The following CHAF1A variants were observed in gnomAD, a reference collection of about 807,000 sequenced individuals.
The protein encoded by CHAF1A is CAF-1 subunit A.
In CHAF1A, 5 loss-of-function variants were observed where a neutral mutation model predicts 93.2. The ratio of observed to expected loss-of-function variants is 0.05; its 90% CI spans 0.03 to 0.11. The LOEUF (loss-of-function observed/expected upper bound fraction) is 0.11, where lower values mean the gene tolerates loss of function less well. Ranked by LOEUF, CHAF1A falls within the 10% of genes least tolerant of loss-of-function variation. The pLI, the probability that CHAF1A is intolerant of heterozygous loss-of-function variation, is 1.00. For missense variants in CHAF1A, 1,102 were observed against 1,259.9 expected, an observed-to-expected ratio of 0.87 and a Z score of 1.90; for synonymous variants, 504 against 510.3, an observed-to-expected ratio of 0.99 and a Z score of 0.17.
chr19:4,446,596 C>T (rs554862257), downstream of CHAF1A: 8 of 1,612,630 alleles, frequency 5.0e-6, no homozygotes, highest in East Asian at 4.5e-5. Flanking sequence ...CTGGAAGACG[C>T]GGCGCTGCCT....
intron 3 of CHAF1A, among the ~76,000 whole-genome samples, chr19:4,414,396 C>CAA (rs530581987): frequency 0.014 from 1,605 of 112,532 alleles, 22 homozygotes; most frequent in Non-Finnish European, 0.02. Flanking sequence ...CAGACCGTCT[C>CAA]AAAAAAAAAA....
Position 4,429,455 on chromosome 19 carries a change from A to C in CHAF1A, c.1622A>C (p.Glu541Ala). 1 of 1,613,658 alleles carries C rather than the reference A, an allele frequency of 6.2e-7. No individual in the cohort carries two copies. Among genetic ancestry groups the C allele is most frequent in the Non-Finnish European group, 8.5e-7 (1 of 1,179,902 alleles). The change falls in exon 9 of 15, where the codon GAG (glutamate) becomes GCG (alanine). Residue 541 changes from glutamate (E) to alanine (A), a missense_variant. Physicochemically the swap from Glu to Ala is moderately radical, Grantham distance 107 (BLOSUM62 -1). Transcript: ENST00000301280. ...CTTCTCAGTGATGTCGTCATCGTGG[A>C]GCGTGGGAAGGGCGACGGTGTTCCC... ...DIFNSDVVIV[E>A]RGKGDGVPER...
Position 4,430,551 on chromosome 19 carries a change from T to TGATGATGACGACATGGGAGAGGATGAA in CHAF1A, c.1863_1889dup (p.Asp621_Asp629dup), listed in dbSNP as rs754286562. 5 of 1,559,546 alleles carry TGATGATGACGACATGGGAGAGGATGAA rather than the reference T, an allele frequency of 3.2e-6. No homozygotes were observed. The Admixed American group carries it at 8.4e-5, about 26-fold the overall frequency. ...TCTTTTTTTTTTCTCCTTTTGAGGATGATGATGACGACATGGGAGAGGATG... is the reference window on the plus strand; with the variant it reads ...TCTTTTTTTTTTCTCCTTTTGAGGATGATGATGACGACATGGGAGAGGATGAAGATGATGACGACATGGGAGAGGATG... On this transcript the variant is annotated inframe_insertion, in exon 11 of 15. Transcript: ENST00000301280.
At chr19:4,446,767 C>G, downstream of CHAF1A, 1 of 1,612,040 alleles carries the variant, frequency 6.2e-7, no homozygotes, top group Non-Finnish European at 8.5e-7. Flanking sequence ...GAGAGACCCC[C>G]AAGCCGGGCC....
At chr19:4,404,502 A>G (rs891382030) in intron 1 of CHAF1A, among the ~76,000 whole-genome samples, 1 of 152,204 alleles carries the variant, frequency 6.6e-6, no homozygotes. Flanking sequence ...GTAAGTGGAC[A>G]CTTGAGAATG....
downstream of CHAF1A, among the ~76,000 whole-genome samples, chr19:4,444,356 G>A (rs901293139): frequency 6.6e-6 from 1 of 152,156 alleles, no homozygotes; most frequent in Non-Finnish European, 1.5e-5. Context: ...TGTGTCTCCT[G>A]GGGCTGCTGT....
downstream of CHAF1A, chr19:4,446,514 C>A (rs368127059): frequency 1.4e-5 from 23 of 1,609,558 alleles, 1 homozygote; most frequent in Middle Eastern, 6.6e-4. Flanking sequence ...GCCTCTGCTC[C>A]CGCTTGATCT....
At chr19:4,410,735 C>T (rs1973781474) in intron 3 of CHAF1A, among the ~76,000 whole-genome samples, 1 of 152,182 alleles carries the variant, frequency 6.6e-6, no homozygotes, top group Admixed American at 6.5e-5. Context: ...CCTGTAGTCC[C>T]AGCCACCTGG....
downstream of CHAF1A, chr19:4,446,664 G>C (rs776229378): frequency 6.2e-7 from 1 of 1,612,142 alleles, no homozygotes; most frequent in Non-Finnish European, 8.5e-7. Flanking sequence ...GCCTCTCCAG[G>C]CTCTGGGGCT....
At chr19:4,437,470 T>C (rs1974306137) in intron 13 of CHAF1A, among the ~76,000 whole-genome samples, 1 of 152,090 alleles carries the variant, frequency 6.6e-6, no homozygotes, top group South Asian at 2.1e-4. Flanking sequence ...TGCCTCAGCT[T>C]CCTAAGGAGC....
intron 13 of CHAF1A, among the ~76,000 whole-genome samples, chr19:4,437,130 A>G (rs954205802): frequency 6.6e-6 from 1 of 152,070 alleles, no homozygotes; most frequent in African/African-American, 2.4e-5. Flanking sequence ...TCAGCAGTGC[A>G]GCGGACGCAC....
chr19:4,446,155 A>G (rs1212912865), downstream of CHAF1A: 1 of 1,610,690 alleles, frequency 6.2e-7, no homozygotes. Context: ...CTCCCGGACG[A>G]ACCCGTACAC....
At chr19:4,432,261 A>G (rs1412152088) in intron 12 of CHAF1A, 54 bp downstream of exon 12, 2 of 1,532,462 alleles carry the variant, frequency 1.3e-6, no homozygotes, top group African/African-American at 2.7e-5. Flanking sequence ...AGCTAATTCC[A>G]GGGCTGAGGG....
intron 4 of CHAF1A, among the ~76,000 whole-genome samples, chr19:4,421,519 A>G (rs371922584): frequency 3.3e-5 from 5 of 152,160 alleles, no homozygotes; most frequent in Non-Finnish European, 5.9e-5. Flanking sequence ...GCTCATGCCT[A>G]TAATTCCAAC....
At chr19:4,434,450 C>T (rs1026966627) in intron 13 of CHAF1A, among the ~76,000 whole-genome samples, 1 of 152,174 alleles carries the variant, frequency 6.6e-6, no homozygotes, top group Non-Finnish European at 1.5e-5. Context: ...GGATGCTGTG[C>T]GTCTACCTTT....
chr19:4,428,077 C>T lies in CHAF1A; in HGVS notation c.1378-587C>T, dbSNP rs570842049. On this transcript the variant is annotated intron_variant, in intron 7 of 14. Transcript: ENST00000301280. ...TTCACCATGTTGGGCAGGCTGGTCTCGAACTCCTGACCTCAGGTGATCCGC... is the reference window on the plus strand; with the variant it reads ...TTCACCATGTTGGGCAGGCTGGTCTTGAACTCCTGACCTCAGGTGATCCGC... Among the ~76,000 whole-genome samples the T allele has an allele frequency of 3.0e-3, 453 of 150,700 alleles. 3 individuals carry two copies. The highest frequency in any genetic ancestry group is 4.4e-3 in the Non-Finnish European group (298 of 67,732).
At chr19:4,419,926 A>G (rs1198568283) in intron 4 of CHAF1A, among the ~76,000 whole-genome samples, 1 of 152,088 alleles carries the variant, frequency 6.6e-6, no homozygotes, top group Non-Finnish European at 1.5e-5. Flanking sequence ...CTCTTCACCC[A>G]GTTATGTTTA....
chr19:4,446,029 T>G (rs757115612), downstream of CHAF1A: 1 of 1,598,718 alleles, frequency 6.3e-7, no homozygotes, highest in Non-Finnish European at 8.5e-7. Flanking sequence ...TCAGCGGTGC[T>G]CCTGCGGGCC....
chr19:4,424,259 C>T (rs766949193), intron 7 of CHAF1A, among the ~76,000 whole-genome samples: 9 of 152,178 alleles, frequency 5.9e-5, no homozygotes, highest in Non-Finnish European at 1.2e-4. Flanking sequence ...GGTCACCTGG[C>T]ATCTCAGACC....
Sources: gnomAD v4.1 joint callset for allele counts (sites outside exome capture counted in the v4.1 genomes callset) on GRCh38, gnomAD v4.1.1 for gene constraint, MANE v1.5 for transcripts, NCBI Gene and HGNC (gene_info 2026-07-23, HGNC 2026-07-21) for gene names.